Variants in CETP observed in about 807,000 individuals in gnomAD.
CETP encodes BPI fold containing family F.
CETP carries 56 observed loss-of-function variants against 66.5 expected under a neutral mutation model. The observed-to-expected ratio is 0.84, with a 90% CI of 0.68 to 1.05. The LOEUF is 1.05. CETP is among the 50% of genes least tolerant of loss of function. The pLI is 0.00. For missense variants in CETP, 612 were observed against 609.6 expected, an observed-to-expected ratio of 1.00 and a Z score of -0.04; for synonymous variants, 251 against 245.7, an observed-to-expected ratio of 1.02 and a Z score of -0.20.
At chr16:56,982,358 G>T in intron 14 of CETP, 121 bp downstream of exon 14, 1 of 947,904 alleles carries the variant, frequency 1.1e-6, no homozygotes, top group Non-Finnish European at 1.7e-6. Context: ...ATACTTAGCG[G>T]TCCTGGCCCC....
intron 2 of CETP, among the ~76,000 whole-genome samples, chr16:56,965,006 A>G (rs12720926): frequency 0.32 from 49,434 of 152,126 alleles, 9,726 homozygotes; most frequent in South Asian, 0.45. Flanking sequence ...CCAGCTACTC[A>G]GGAGGCCAGG....
intron 10 of CETP, 36 bp from the exon 11 acceptor site, chr16:56,978,055 C>G: frequency 6.2e-7 from 1 of 1,610,822 alleles, no homozygotes; most frequent in Non-Finnish European, 8.5e-7. Flanking sequence ...CCCTGATGGG[C>G]CCCTGTCCTG....
At chr16:56,972,137 C>G in intron 8 of CETP, 54 bp downstream of exon 8, 1 of 1,393,018 alleles carries the variant, frequency 7.2e-7, no homozygotes, top group Non-Finnish European at 1.0e-6. Context: ...GGAGTTGGTC[C>G]TTTTTTGTGC....
chr16:56,962,407 G>C (rs183782798), intron 1 of CETP: 21 of 628,462 alleles, frequency 3.3e-5, no homozygotes, highest in South Asian at 2.9e-4. Context: ...CCAGGTTAGG[G>C]GGTTGAGTCA....
chr16:56,962,163 C>T, intron 1 of CETP, 66 bp downstream of exon 1: 1 of 1,354,754 alleles, frequency 7.4e-7, no homozygotes, highest in African/African-American at 1.4e-5. Context: ...ATGCCAGGAG[C>T]CTCCCTGGCC....
At position 56,973,742 on chromosome 16, in the gene CETP, A is replaced by G. The variant is rs1057168839; in HGVS notation, c.930+232A>G. Among the ~76,000 whole-genome samples, 11 of 152,222 alleles carry G rather than the reference A, an allele frequency of 7.2e-5. 1 individual carries two copies. Among genetic ancestry groups the G allele is most frequent in the Admixed American group, 5.9e-4 (9 of 15,290 alleles). On this transcript the variant is annotated intron_variant, in intron 9 of 15. Coordinates refer to ENST00000200676, the MANE Select transcript of CETP (RefSeq NM_000078.3). ...GAACCGCAGACAAAACTCCTCAGAC[A>G]CTGAGTTAAAGAAGGAAAGAGTTTA... is the stretch of plus-strand genomic sequence containing the variant.
At chr16:56,963,998 ATTTATTTAT>A in intron 2 of CETP, among the ~76,000 whole-genome samples, 1 of 65,320 alleles carries the variant, frequency 1.5e-5, no homozygotes, top group African/African-American at 8.7e-5. Flanking sequence ...TATTTTATTT[ATTTATTTAT>A]TTATTTATTT....
Position 56,983,710 on chromosome 16 carries a change from G to A in CETP, c.*44G>A. The A allele has an allele frequency of 1.3e-6, 2 of 1,575,204 alleles. No homozygotes were observed. Among genetic ancestry groups the A allele is most frequent in the Non-Finnish European group, 1.7e-6 (2 of 1,144,654 alleles). The stretch of plus-strand genomic sequence containing the variant: ...GGATGGGGCTTGTAGCAGAAGGCAA[G>A]CACCAGGCTCACAGCTGGAACCCTG... On this transcript the variant is annotated 3_prime_UTR_variant, in exon 16 of 16. Coordinates refer to ENST00000200676, the MANE Select transcript of CETP (RefSeq NM_000078.3).
chr16:56,970,055 T>C, intron 5 of CETP, 54 bp downstream of exon 5: 1 of 1,550,158 alleles, frequency 6.5e-7, no homozygotes, highest in Non-Finnish European at 8.8e-7. Flanking sequence ...CCTGTTAGTG[T>C]GTCCACGGCT....
Position 56,972,087 on chromosome 16 carries a change from G to C in CETP, c.750+4G>C, listed in dbSNP as rs1257592600. 6.2e-7 allele frequency: 1 copy of C among 1,611,458 alleles called. No homozygotes were observed. The highest frequency in any genetic ancestry group is 2.2e-5 in the East Asian group (1 of 44,864). On this transcript the variant is annotated splice_donor_region_variant and intron_variant, in intron 8 of 15. Transcript: ENST00000200676. ...CTACCTGGAGTCCCATCACAAGGTA[G>C]GAGTTGTGGGAGGGTGGGGCAGGGC...
At chr16:56,976,303 A>T (rs1324732539) in intron 10 of CETP, among the ~76,000 whole-genome samples, 2 of 152,118 alleles carry the variant, frequency 1.3e-5, no homozygotes, top group African/African-American at 4.8e-5. Context: ...CTGCCTGCTT[A>T]AAGCCGGTGT....
chr16:56,963,098 T>C lies in CETP; in HGVS notation c.207T>C (p.Leu69=). 6.2e-7 allele frequency: 1 copy of C among 1,613,842 alleles called. No homozygotes were observed. Among genetic ancestry groups the C allele is most frequent in the Non-Finnish European group, 8.5e-7 (1 of 1,179,916 alleles). ...DITGEKAMML[L]GQVKYGLHNI... ...CGGGCGAGAAGGCCATGATGCTCCT[T>C]GGCCAAGTCAAGTATGGGTTGCACA... The change falls in exon 2 of 16, where the codon CTT becomes CTC. Residue 69 remains leucine, a synonymous_variant. Coordinates refer to ENST00000200676, the MANE Select transcript of CETP (RefSeq NM_000078.3).
chr16:56,971,123 C>G (rs759224437), intron 6 of CETP, 21 bp downstream of exon 6: 1 of 1,611,868 alleles, frequency 6.2e-7, no homozygotes, highest in East Asian at 2.2e-5. Flanking sequence ...CTGGCTGACT[C>G]CCTGTGGTCC....
chr16:56,978,970 C>T (rs577396375), intron 11 of CETP, among the ~76,000 whole-genome samples: 2 of 152,296 alleles, frequency 1.3e-5, no homozygotes, highest in South Asian at 4.1e-4. Flanking sequence ...GGATTACAGG[C>T]ATGCGCTACC....
chr16:56,978,363 C>G, intron 11 of CETP, 108 bp downstream of exon 11: 1 of 1,318,054 alleles, frequency 7.6e-7, no homozygotes, highest in South Asian at 1.2e-5. Context: ...TTCTCACCAC[C>G]TCTGCTGGCA....
chr16:56,973,364 C>A lies in CETP; in HGVS notation c.784C>A (p.Leu262Ile), dbSNP rs150475423. ...CATCTACAAGAATGTCTCAGAGGAC[C>A]TCCCCCTCCCCACCTTCTCGCCCAC... The part of the protein sequence containing the change: ...HFIYKNVSED[L>I]PLPTFSPTLL... Residue 262 changes from leucine (L) to isoleucine (I), a missense_variant, in exon 9 of 16, where the codon CTC (leucine) becomes ATC (isoleucine). By Grantham distance (5) the Leu-to-Ile change is conservative (BLOSUM62 2). Transcript: ENST00000200676. 1 of 1,614,184 alleles carries A rather than the reference C, an allele frequency of 6.2e-7. No individual in the cohort carries two copies. Among genetic ancestry groups the A allele is most frequent in the East Asian group, 2.2e-5 (1 of 44,868 alleles).
Position 56,969,989 on chromosome 16 carries a change from A to G in CETP, c.515A>G (p.Gln172Arg). Residue 172 changes from glutamine (Q) to arginine (R), a missense_variant, in exon 5 of 16, where the codon CAA becomes CGA. Transcript: ENST00000200676. ...LSFHKLLLHL[Q>R]GEREPGWIKQ... Reference sequence around the variant, plus strand: ...TTCCATAAGCTGCTCCTGCATCTCCAAGGGGAGCGAGAGTAAGTACACCAC... The same window carrying G: ...TTCCATAAGCTGCTCCTGCATCTCCGAGGGGAGCGAGAGTAAGTACACCAC... 1 of 1,613,684 alleles carries G rather than the reference A, an allele frequency of 6.2e-7. No individual in the cohort carries two copies. Among genetic ancestry groups the G allele is most frequent in the South Asian group, 1.1e-5 (1 of 91,030 alleles).
chr16:56,972,615 C>T (rs2056120378), intron 8 of CETP, among the ~76,000 whole-genome samples: 1 of 152,246 alleles, frequency 6.6e-6, no homozygotes, highest in Non-Finnish European at 1.5e-5. Context: ...GACCTCATCC[C>T]AGGGTCCTGG....
At position 56,983,090 on chromosome 16, in the gene CETP, T is replaced by G. The variant is rs9923854; in HGVS notation, c.1322-236T>G. 0.1 allele frequency among the ~76,000 whole-genome samples: 15,337 copies of G among 152,218 alleles called. 865 individuals are homozygous for G. The highest frequency in any genetic ancestry group is 0.14 in the Middle Eastern group (41 of 294). On this transcript the variant is annotated intron_variant, in intron 14 of 15. Coordinates refer to ENST00000200676, the MANE Select transcript of CETP (RefSeq NM_000078.3). ...TTGTGGATGGGTTGGGAGCTCAAGT[T>G]TGGGGCAGAAGGGAATTTTTTTTGG...
Sources: allele counts gnomAD v4.1 joint callset (sites outside exome capture counted in the v4.1 genomes callset), GRCh38; gene constraint gnomAD v4.1.1; transcripts MANE v1.5; gene names NCBI Gene and HGNC (gene_info 2026-07-23, HGNC 2026-07-21).